The following GPAT4 variants were observed in gnomAD, a reference collection of about 807,000 sequenced individuals.
The protein encoded by GPAT4 is 1-AGP acyltransferase 6.
GPAT4 carries 17 observed loss-of-function variants against 58.0 expected under a neutral mutation model. That is an observed-to-expected ratio of 0.29 (90% CI 0.20 to 0.44). GPAT4 has a LOEUF of 0.44. GPAT4 is among the 20% of genes least tolerant of loss of function. The probability of loss-of-function intolerance (pLI) is 1.00; values close to 1 mark genes in which losing one functional copy is unlikely to be tolerated. For missense variants in GPAT4, 377 were observed against 574.5 expected, an observed-to-expected ratio of 0.66 and a Z score of 3.51; for synonymous variants, 204 against 210.1, an observed-to-expected ratio of 0.97 and a Z score of 0.25.
intron 1 of GPAT4, among the ~76,000 whole-genome samples, chr8:41,587,367 C>T (rs749373394): frequency 6.6e-6 from 1 of 152,028 alleles, no homozygotes; most frequent in Admixed American, 6.5e-5. Context: ...TTGGGAAATA[C>T]ATTCAAATTC....
chr8:41,613,462 C>T (rs1803502717), intron 8 of GPAT4, among the ~76,000 whole-genome samples: 1 of 151,692 alleles, frequency 6.6e-6, no homozygotes, highest in East Asian at 1.9e-4. Context: ...ATTCATTGTA[C>T]CCATCATAAT....
Position 41,618,780 on chromosome 8 carries a change from A to G in GPAT4, c.1150A>G (p.Ser384Gly). The change falls in exon 11 of 13, where the codon AGC becomes GGC. Residue 384 changes from serine to glycine, a missense_variant. Ser to Gly is a moderately conservative substitution (Grantham distance 56, BLOSUM62 0). Transcript: ENST00000396987. ...RMMTSWAIVC[S>G]VWYLPPMTRE... ...GATGACCAGCTGGGCCATTGTCTGCAGCGTGTGGTACCTGCCTCCCATGAC... is the reference window on the plus strand; with the variant it reads ...GATGACCAGCTGGGCCATTGTCTGCGGCGTGTGGTACCTGCCTCCCATGAC... 4 of 1,614,258 alleles carry G rather than the reference A, an allele frequency of 2.5e-6. No homozygotes were observed. Among genetic ancestry groups the G allele is most frequent in the Non-Finnish European group, 3.4e-6 (4 of 1,180,052 alleles).
intron 8 of GPAT4, among the ~76,000 whole-genome samples, chr8:41,613,461 AC>A (rs1803502797): frequency 6.6e-6 from 1 of 152,138 alleles, no homozygotes; most frequent in Non-Finnish European, 1.5e-5. Flanking sequence ...AATTCATTGT[AC>A]CCATCATAAT....
At chr8:41,610,965 G>T (rs920030484) in intron 5 of GPAT4, among the ~76,000 whole-genome samples, 155 bp downstream of exon 5, 5 of 152,230 alleles carry the variant, frequency 3.3e-5, no homozygotes, top group African/African-American at 1.2e-4. Context: ...GGTGGCTCAT[G>T]CCTGTAATCC....
At chr8:41,586,842 C>G (rs568703067) in intron 1 of GPAT4, among the ~76,000 whole-genome samples, 137 of 152,272 alleles carry the variant, frequency 9.0e-4, no homozygotes, top group African/African-American at 3.2e-3. Context: ...TGGTAAGAAC[C>G]CTTAACCCAG....
At position 41,609,778 on chromosome 8, in the gene GPAT4, G is replaced by T. The variant is rs779520353; in HGVS notation, c.359G>T (p.Arg120Leu). The T allele has an allele frequency of 6.2e-7, 1 of 1,614,122 alleles. No homozygotes were observed. The highest frequency in any genetic ancestry group is 1.7e-5 in the Admixed American group (1 of 60,014). ...FELSDIFYFC[R>L]KGMETIMDDE... ...CTCTCTGACATTTTCTACTTTTGCCGGAAAGGAATGGAGACCATTATGGAT... is the reference window on the plus strand; with the variant it reads ...CTCTCTGACATTTTCTACTTTTGCCTGAAAGGAATGGAGACCATTATGGAT... The change falls in exon 4 of 13, where the codon CGG (arginine) becomes CTG (leucine). Residue 120 changes from arginine to leucine, a missense_variant. Arg to Leu is a moderately radical substitution (Grantham distance 102). Coordinates refer to ENST00000396987, the MANE Select transcript of GPAT4 (RefSeq NM_178819.4).
rs369374877 is a variant in GPAT4 at position 41,582,711 on chromosome 8, A to G, written c.-849+4433A>G. ...TGTGTGTGTGGGTGTATCTCAAAAC[A>G]TCACATTGTGCTCCATACATATGTA... On this transcript the variant is annotated intron_variant, in intron 1 of 12. Transcript: ENST00000396987. Among the ~76,000 whole-genome samples, 16 of 151,174 alleles carry G rather than the reference A, an allele frequency of 1.1e-4. No homozygotes were observed. In the East Asian group the frequency reaches 1.2e-3, roughly 11 times the overall value.
chr8:41,605,546 TTTTGTTTG>T (rs145318528), intron 2 of GPAT4, among the ~76,000 whole-genome samples: 36,191 of 150,722 alleles, frequency 0.24, 4,770 homozygotes, highest in South Asian at 0.35. Context: ...GAAGGTTGTG[TTTTGTTTG>T]TTTGTTTGTT....
chr8:41,610,105 C>A, intron 4 of GPAT4, 150 bp downstream of exon 4: 2 of 1,452,652 alleles, frequency 1.4e-6, no homozygotes, highest in Non-Finnish European at 1.8e-6. Context: ...GAGGGATACA[C>A]TGGTGATTCT....
chr8:41,618,268 G>T (rs983365674), intron 10 of GPAT4, among the ~76,000 whole-genome samples: 1 of 152,242 alleles, frequency 6.6e-6, no homozygotes, highest in Non-Finnish European at 1.5e-5. Flanking sequence ...ATGACAGGAT[G>T]CTGAGAGGGG....
intron 1 of GPAT4, among the ~76,000 whole-genome samples, chr8:41,588,934 T>C (rs759556357): frequency 2.0e-5 from 3 of 152,244 alleles, no homozygotes; most frequent in Non-Finnish European, 4.4e-5. Context: ...TGGGTGAGTT[T>C]GGTTGGAACC....
intron 2 of GPAT4, among the ~76,000 whole-genome samples, chr8:41,606,921 A>G (rs1563275978): frequency 6.6e-6 from 1 of 152,200 alleles, no homozygotes; most frequent in Non-Finnish European, 1.5e-5. Context: ...GTCTATTTGC[A>G]TCTGTTGTTT....
intron 10 of GPAT4, among the ~76,000 whole-genome samples, chr8:41,617,920 C>T (rs1803641566): frequency 6.6e-6 from 1 of 152,228 alleles, no homozygotes; most frequent in South Asian, 2.1e-4. Context: ...GCGCAACTTC[C>T]TCTAGAGCTT....
At chr8:41,611,598 C>A (rs571315632) in intron 5 of GPAT4, among the ~76,000 whole-genome samples, 1 of 152,214 alleles carries the variant, frequency 6.6e-6, no homozygotes, top group Non-Finnish European at 1.5e-5. Context: ...TGGCCTTGGA[C>A]CTGCCTCTGG....
chr8:41,612,719 C>A, intron 7 of GPAT4, 126 bp from the exon 8 acceptor site: 1 of 786,278 alleles, frequency 1.3e-6, no homozygotes, highest in Non-Finnish European at 2.0e-6. Flanking sequence ...AGTGAGCAAC[C>A]TTCAGCCGGC....
At chr8:41,585,333 G>A (rs562640897) in intron 1 of GPAT4, among the ~76,000 whole-genome samples, 6 of 152,280 alleles carry the variant, frequency 3.9e-5, no homozygotes, top group South Asian at 2.1e-4. Flanking sequence ...AAGTGCACTC[G>A]ACTGGACATC....
At chr8:41,593,367 A>G (rs1037781666) in intron 1 of GPAT4, among the ~76,000 whole-genome samples, 3 of 152,216 alleles carry the variant, frequency 2.0e-5, no homozygotes, top group African/African-American at 7.2e-5. Context: ...TATAATAACT[A>G]TAGAACAAAA....
intron 1 of GPAT4, among the ~76,000 whole-genome samples, chr8:41,580,413 T>A (rs1234917552): frequency 6.6e-6 from 1 of 152,214 alleles, no homozygotes; most frequent in Non-Finnish European, 1.5e-5. Context: ...TAGGTAAGAA[T>A]CTGGGCTTCT....
chr8:41,600,731 C>G (rs1019393355), intron 2 of GPAT4, among the ~76,000 whole-genome samples: 1 of 152,122 alleles, frequency 6.6e-6, no homozygotes, highest in Non-Finnish European at 1.5e-5. Context: ...CCAAAGGAAA[C>G]CCCACACTCA....
Sources: allele counts gnomAD v4.1 joint callset (sites outside exome capture counted in the v4.1 genomes callset), GRCh38; gene constraint gnomAD v4.1.1; transcripts MANE v1.5; gene names NCBI Gene and HGNC (gene_info 2026-07-23, HGNC 2026-07-21).